The following UBE2L3 variants were observed in gnomAD, a reference collection of about 807,000 sequenced individuals.
UBE2L3 encodes ubiquitin conjugating enzyme E2 L3.
In UBE2L3, 1 loss-of-function variant was observed where a neutral mutation model predicts 17.8. The ratio of observed to expected loss-of-function variants is 0.06; its 90% CI spans 0.02 to 0.27. The LOEUF (loss-of-function observed/expected upper bound fraction) is 0.27, where lower values mean the gene tolerates loss of function less well. Ranked by LOEUF, UBE2L3 falls within the 10% of genes least tolerant of loss-of-function variation. The pLI, the probability that UBE2L3 is intolerant of heterozygous loss-of-function variation, is 1.00. For synonymous variants in UBE2L3, 44 were observed against 68.5 expected (o/e 0.64, Z 1.76); for missense variants, 40 against 192.6 (o/e 0.21, Z 4.69).
At chr22:21,558,460 G>C (rs952872936) in intron 1 of UBE2L3, among the ~76,000 whole-genome samples, 33 of 152,244 alleles carry the variant, frequency 2.2e-4, no homozygotes, top group African/African-American at 7.5e-4. Context: ...GTGAAACCCC[G>C]TCTCTACTAA....
At chr22:21,618,864 AT>A (rs1231721886) in intron 3 of UBE2L3, among the ~76,000 whole-genome samples, 2 of 152,094 alleles carry the variant, frequency 1.3e-5, no homozygotes, top group Admixed American at 6.5e-5. Flanking sequence ...AGTGCTGGGA[AT>A]ACAGGTGTGA....
intron 3 of UBE2L3, among the ~76,000 whole-genome samples, chr22:21,613,169 C>A (rs1929595340): frequency 6.6e-6 from 1 of 152,110 alleles, no homozygotes; most frequent in African/African-American, 2.4e-5. Context: ...GAGGGTGGGG[C>A]TAGGGCCAGG....
chr22:21,615,068 T>C (rs1216101922), intron 3 of UBE2L3, among the ~76,000 whole-genome samples: 2 of 151,968 alleles, frequency 1.3e-5, no homozygotes, highest in African/African-American at 4.8e-5. Context: ...AGCTGGAGAA[T>C]CACTTGAACC....
chr22:21,609,797 A>G (rs1046767472), intron 2 of UBE2L3, among the ~76,000 whole-genome samples: 1 of 152,148 alleles, frequency 6.6e-6, no homozygotes, highest in African/African-American at 2.4e-5. Context: ...AGGCCGAGGC[A>G]GGCAGATCAC....
chr22:21,619,495 C>A (rs985800822), intron 3 of UBE2L3, among the ~76,000 whole-genome samples: 1 of 152,248 alleles, frequency 6.6e-6, no homozygotes, highest in South Asian at 2.1e-4. Context: ...TCGCCTCTGC[C>A]CCACTGCTTC....
In UBE2L3 at chr22:21,568,283, G is replaced by C. The variant is rs1926756524; in HGVS notation, c.27+512G>C. 4.1e-6 allele frequency: 4 copies of C among 986,084 alleles called. No individual in the cohort carries two copies. In the South Asian group the frequency reaches 1.9e-4, roughly 46 times the overall value. The allele number at this position is 986,084 out of a possible 1,614,324, so 61.1% of individuals were successfully genotyped here. The stretch of plus-strand genomic sequence containing the variant: ...GGCTAGGAAAGAGAGAAGGAGGCCA[G>C]GCGGCCAAAGTTAGGTCAGTTTGTT... On this transcript the variant is annotated intron_variant, in intron 1 of 3. Transcript: ENST00000342192.
intron 1 of UBE2L3, among the ~76,000 whole-genome samples, chr22:21,578,364 G>GA (rs34977459): frequency 9.0e-4 from 115 of 127,536 alleles, no homozygotes; most frequent in East Asian, 1.1e-3. Flanking sequence ...TGTCTCGAAA[G>GA]AAAAAAAAAA....
chr22:21,555,778 A>G (rs1407649998), intron 1 of UBE2L3, among the ~76,000 whole-genome samples: 22 of 151,924 alleles, frequency 1.4e-4, no homozygotes, highest in Non-Finnish European at 2.6e-4. Flanking sequence ...TTAAAAATAC[A>G]AAAATTAGCC....
chr22:21,610,955 C>T lies in UBE2L3; in HGVS notation c.222C>T (p.Ile74=), dbSNP rs746156155. Residue 74 remains isoleucine, a synonymous_variant, in exon 3 of 4, where the codon ATC becomes ATT. Transcript: ENST00000342192. ...CGAAGATCACATTTAAAACAAAGAT[C>T]TATCACCCAAACATCGACGAAAAGG... ...KPPKITFKTK[I]YHPNIDEKGQ... 4.3e-6 allele frequency: 7 copies of T among 1,613,724 alleles called. No homozygotes were observed. Among genetic ancestry groups the T allele is most frequent in the Non-Finnish European group, 5.9e-6 (7 of 1,179,958 alleles).
chr22:21,570,383 C>T (rs957241498), intron 1 of UBE2L3, among the ~76,000 whole-genome samples: 14 of 152,220 alleles, frequency 9.2e-5, no homozygotes, highest in Non-Finnish European at 1.3e-4. Flanking sequence ...AGGTTATTTA[C>T]GTAAGTCATC....
intron 1 of UBE2L3, among the ~76,000 whole-genome samples, chr22:21,578,509 G>A (rs1927443473): frequency 1.3e-5 from 2 of 152,170 alleles, no homozygotes. Flanking sequence ...CAGACTTGAA[G>A]AGGTCGGTGT....
At chr22:21,602,708 T>C (rs1029308758) in intron 2 of UBE2L3, among the ~76,000 whole-genome samples, 1 of 152,212 alleles carries the variant, frequency 6.6e-6, no homozygotes, top group African/African-American at 2.4e-5. Flanking sequence ...GAGGTTGATA[T>C]CAAGAGCTGT....
chr22:21,579,172 G>C (rs561407558), intron 1 of UBE2L3, among the ~76,000 whole-genome samples: 12 of 151,886 alleles, frequency 7.9e-5, no homozygotes, highest in African/African-American at 2.9e-4. Flanking sequence ...TGTATTTTTA[G>C]TAGAGACGGG....
intron 1 of UBE2L3, among the ~76,000 whole-genome samples, chr22:21,581,256 C>T (rs1019075277): frequency 6.6e-6 from 1 of 151,834 alleles, no homozygotes; most frequent in Non-Finnish European, 1.5e-5. Flanking sequence ...GGGGTTTTGC[C>T]ATGTTTTCCA....
intron 2 of UBE2L3, among the ~76,000 whole-genome samples, chr22:21,607,813 C>A (rs1929258511): frequency 6.6e-6 from 1 of 152,170 alleles, no homozygotes; most frequent in African/African-American, 2.4e-5. Flanking sequence ...CTGGTGATCA[C>A]CTGTTGAGTG....
upstream of UBE2L3, chr22:21,567,568 GC>G: frequency 7.2e-7 from 1 of 1,393,808 alleles, no homozygotes; most frequent in Non-Finnish European, 9.6e-7. Flanking sequence ...CCCAGTCTGT[GC>G]GGTTCACTTG....
At chr22:21,588,217 T>C (rs1468762132) in intron 1 of UBE2L3, among the ~76,000 whole-genome samples, 1 of 152,216 alleles carries the variant, frequency 6.6e-6, no homozygotes, top group Non-Finnish European at 1.5e-5. Flanking sequence ...TGGGCTGCTC[T>C]TGCGGTTTTT....
intron 1 of UBE2L3, among the ~76,000 whole-genome samples, chr22:21,587,796 CT>C (rs1459763096): frequency 6.6e-6 from 1 of 152,210 alleles, no homozygotes; most frequent in Non-Finnish European, 1.5e-5. Flanking sequence ...CTCTGCCATG[CT>C]TCACACTTTG....
At chr22:21,591,773 C>T (rs571806211) in intron 1 of UBE2L3, among the ~76,000 whole-genome samples, 11 of 152,238 alleles carry the variant, frequency 7.2e-5, no homozygotes, top group East Asian at 5.8e-4. Flanking sequence ...AGCAGCCTGG[C>T]GAAGGAGGCA....
Sources: gnomAD v4.1 joint callset for allele counts (sites outside exome capture counted in the v4.1 genomes callset) on GRCh38, gnomAD v4.1.1 for gene constraint, MANE v1.5 for transcripts, NCBI Gene and HGNC (gene_info 2026-07-23, HGNC 2026-07-21) for gene names.